Variants in DISC1 observed in about 807,000 individuals in gnomAD.
DISC1 encodes disrupted in schizophrenia 1 protein.
A neutral mutation model predicts 84.5 loss-of-function variants in DISC1; 57 were observed. The observed-to-expected ratio is 0.67, with a 90% CI of 0.55 to 0.84. The LOEUF is 0.84. DISC1 is among the 40% of genes least tolerant of loss of function. The pLI is 0.00. For missense variants in DISC1, 1,000 were observed against 1,057.8 expected (o/e 0.95, Z 0.76); for synonymous variants, 411 against 415.2 (o/e 0.99, Z 0.12).
At chr1:231,879,121 A>G (rs759191609) in intron 9 of DISC1, among the ~76,000 whole-genome samples, 7 of 151,276 alleles carry the variant, frequency 4.6e-5, no homozygotes, top group Non-Finnish European at 7.4e-5. Flanking sequence ...TGAAATATTT[A>G]TATGATACTT....
chr1:231,965,708 G>C (rs542736878), intron 10 of DISC1, among the ~76,000 whole-genome samples: 2 of 152,344 alleles, frequency 1.3e-5, no homozygotes, highest in Admixed American at 6.5e-5. Context: ...CCAGGTGACT[G>C]ATGCTCCATT....
intron 9 of DISC1, among the ~76,000 whole-genome samples, chr1:231,868,472 A>C (rs2125942244): frequency 6.6e-6 from 1 of 152,166 alleles, no homozygotes; most frequent in East Asian, 1.9e-4. Context: ...ATGCATCCTC[A>C]AAACAGCTGG....
At chr1:231,714,531 CACAG>C (rs1426083256) in intron 3 of DISC1, among the ~76,000 whole-genome samples, 1 of 151,688 alleles carries the variant, frequency 6.6e-6, no homozygotes, top group African/African-American at 2.4e-5. Context: ...CAATTCTACT[CACAG>C]ATATGTATGA....
intron 9 of DISC1, among the ~76,000 whole-genome samples, chr1:231,938,709 C>T (rs1032252877): frequency 2.6e-5 from 4 of 152,094 alleles, no homozygotes; most frequent in African/African-American, 4.8e-5. Context: ...AGTACCACAG[C>T]GATAAAACCA....
At chr1:231,750,455 G>A (rs2074490474) in intron 4 of DISC1, 1 of 1,007,768 alleles carries the variant, frequency 9.9e-7, no homozygotes, top group Non-Finnish European at 1.2e-6. Flanking sequence ...CCCTCTGACC[G>A]AGCGATGAAA....
intron 10 of DISC1, among the ~76,000 whole-genome samples, chr1:231,989,020 T>C (rs539574495): frequency 1.2e-3 from 183 of 152,336 alleles, no homozygotes; most frequent in African/African-American, 3.9e-3. Flanking sequence ...GGGTGTCCCA[T>C]GTCAGCCTCA....
At chr1:231,691,422 A>G (rs538121465) in intron 1 of DISC1, among the ~76,000 whole-genome samples, 14 of 149,328 alleles carry the variant, frequency 9.4e-5, no homozygotes, top group African/African-American at 3.3e-4. Flanking sequence ...CAGGAGCGAG[A>G]CTGTCTCAAA....
At chr1:231,903,077 T>C (rs1173856279) in intron 9 of DISC1, among the ~76,000 whole-genome samples, 1 of 151,728 alleles carries the variant, frequency 6.6e-6, no homozygotes, top group Non-Finnish European at 1.5e-5. Flanking sequence ...CATTTTTTTT[T>C]TTTTGACAGA....
chr1:231,889,447 C>A (rs1208655081), intron 9 of DISC1, among the ~76,000 whole-genome samples: 1 of 152,186 alleles, frequency 6.6e-6, no homozygotes, highest in Non-Finnish European at 1.5e-5. Flanking sequence ...TTCCAATCAT[C>A]GCTGGTGTGA....
At position 232,009,419 on chromosome 1, in the gene DISC1, A is replaced by G; in HGVS notation, c.2307+370A>G. 1.5e-6 allele frequency: 1 copy of G among 657,950 alleles called. No individual in the cohort carries two copies. Among genetic ancestry groups the G allele is most frequent in the Non-Finnish European group, 1.9e-6 (1 of 525,982 alleles). 40.8% of individuals were successfully genotyped at this position (657,950 alleles called of 1,614,324 possible). On this transcript the variant is annotated intron_variant, in intron 11 of 12. Coordinates refer to ENST00000439617, the MANE Select transcript of DISC1 (RefSeq NM_018662.3). The surrounding 1 kb of genome is among the most constrained non-coding windows in gnomAD (Gnocchi z 4.6). The stretch of plus-strand genomic sequence containing the variant: ...ATATGCCATACATGATATTTAACAT[A>G]TATACTATACATTATGTATTGTATG...
At chr1:231,953,248 C>T (rs965416173) in intron 9 of DISC1, among the ~76,000 whole-genome samples, 3 of 152,132 alleles carry the variant, frequency 2.0e-5, no homozygotes, top group Admixed American at 6.5e-5. Flanking sequence ...ATATCATTTG[C>T]GTATGAGCAG....
At chr1:231,669,041 G>A (rs2062305417) in intron 1 of DISC1, among the ~76,000 whole-genome samples, 2 of 152,068 alleles carry the variant, frequency 1.3e-5, no homozygotes, top group South Asian at 4.1e-4. Context: ...TTTTTCTTTT[G>A]AGGAAGCTCC....
chr1:231,693,006 G>A (rs1377940329), intron 1 of DISC1, among the ~76,000 whole-genome samples: 1 of 152,180 alleles, frequency 6.6e-6, no homozygotes, highest in African/African-American at 2.4e-5. Flanking sequence ...TCTACAAATA[G>A]TAACTCATTT....
At chr1:231,709,595 C>T (rs1427619966) in intron 3 of DISC1, among the ~76,000 whole-genome samples, 1 of 151,988 alleles carries the variant, frequency 6.6e-6, no homozygotes, top group African/African-American at 2.4e-5. Flanking sequence ...GGAATGTTGT[C>T]ATGGTGCATT....
intron 3 of DISC1, among the ~76,000 whole-genome samples, chr1:231,740,825 T>G (rs2125260548): frequency 6.6e-6 from 1 of 152,294 alleles, no homozygotes; most frequent in Non-Finnish European, 1.5e-5. Context: ...TGAAACAAAA[T>G]TTTGGCTGCA....
At chr1:231,978,201 C>G (rs747928847) in intron 10 of DISC1, among the ~76,000 whole-genome samples, 1 of 152,100 alleles carries the variant, frequency 6.6e-6, no homozygotes, top group Admixed American at 6.5e-5. Flanking sequence ...TTGTACCACA[C>G]GGGGAAGCCA....
chr1:231,906,868 C>T (rs903695407), intron 9 of DISC1, among the ~76,000 whole-genome samples: 16 of 152,138 alleles, frequency 1.1e-4, no homozygotes, highest in Admixed American at 3.3e-4. Flanking sequence ...TTTATATCCT[C>T]CCAGTCAATC....
At chr1:231,640,529 T>A (rs1253237172) in intron 1 of DISC1, among the ~76,000 whole-genome samples, 1 of 38,166 alleles carries the variant, frequency 2.6e-5, no homozygotes, top group Non-Finnish European at 4.8e-5. Context: ...CTCCTTGGTA[T>A]TTTTTTTTTT....
rs188435079 is a variant in DISC1, at chr1:231,692,348, G to A, written c.68-1478G>A. On this transcript the variant is annotated intron_variant, in intron 1 of 12. Transcript: ENST00000439617. The stretch of plus-strand genomic sequence containing the variant: ...AGCCCTTTTGGAGCTCCCCGCAATT[G>A]GCAAGAGCAAGTCACTGTGTGAGCA... Among the ~76,000 whole-genome samples the A allele has an allele frequency of 2.0e-5, 3 of 152,298 alleles. No homozygotes were observed. The East Asian group carries it at 5.8e-4, about 29-fold the overall frequency.
Sources: allele counts gnomAD v4.1 joint callset (sites outside exome capture counted in the v4.1 genomes callset), GRCh38; gene constraint gnomAD v4.1.1; non-coding constraint Gnocchi (gnomAD v3.1); transcripts MANE v1.5; gene names NCBI Gene and HGNC (gene_info 2026-07-23, HGNC 2026-07-21).